The following RBFOX1 variants were observed in gnomAD, a reference collection of about 807,000 sequenced individuals.
RBFOX1 encodes RNA binding fox-1 homolog 1.
RBFOX1 carries 8 observed loss-of-function variants against 57.7 expected under a neutral mutation model. The observed-to-expected ratio is 0.14, with a 90% CI of 0.08 to 0.25. RBFOX1 has a LOEUF of 0.25. Ranked by LOEUF, RBFOX1 falls within the 10% of genes least tolerant of loss-of-function variation. The probability of loss-of-function intolerance (pLI) is 1.00; values close to 1 mark genes in which losing one functional copy is unlikely to be tolerated. For synonymous variants in RBFOX1, 326 were observed against 222.4 expected, an observed-to-expected ratio of 1.47 and a Z score of -4.15; for missense variants, 611 against 548.5, an observed-to-expected ratio of 1.11 and a Z score of -1.14.
chr16:6,820,640 C>G (rs929617436), intron 3 of RBFOX1, among the ~76,000 whole-genome samples: 13 of 151,156 alleles, frequency 8.6e-5, no homozygotes, highest in African/African-American at 1.2e-4. Context: ...GCCTGAGTGA[C>G]AGAGCAAGAC....
At chr16:7,167,381 A>T (rs2079787858) in intron 4 of RBFOX1, among the ~76,000 whole-genome samples, 2 of 151,928 alleles carry the variant, frequency 1.3e-5, no homozygotes, top group Non-Finnish European at 2.9e-5. Flanking sequence ...CTGGTGTTTC[A>T]ATAAGAGAAA....
At chr16:5,853,847 C>T (rs535512974) in intron 3 of RBFOX1, among the ~76,000 whole-genome samples, 8 of 152,286 alleles carry the variant, frequency 5.3e-5, no homozygotes, top group African/African-American at 1.9e-4. Context: ...CCTTGAACTC[C>T]TGGCCTCAAG....
chr16:6,948,375 CTT>C (rs968186299), intron 3 of RBFOX1, among the ~76,000 whole-genome samples: 6 of 67,962 alleles, frequency 8.8e-5, no homozygotes, highest in Admixed American at 1.6e-4. Context: ...TTCTCCCTTT[CTT>C]TTTTTTTTTT....
intron 2 of RBFOX1, among the ~76,000 whole-genome samples, chr16:6,650,092 G>A (rs1018760136): frequency 8.5e-5 from 13 of 152,198 alleles, no homozygotes; most frequent in African/African-American, 2.9e-4. Context: ...TGCAGTAGTC[G>A]GATTGCTGGA....
intron 11 of RBFOX1, among the ~76,000 whole-genome samples, chr16:7,643,466 C>A (rs529839700): frequency 6.6e-6 from 1 of 152,298 alleles, no homozygotes; most frequent in East Asian, 1.9e-4. Context: ...GTTTCTTATG[C>A]AGATCTTCCA....
chr16:7,708,851 A>G (rs2083349309), intron 14 of RBFOX1, among the ~76,000 whole-genome samples: 1 of 151,794 alleles, frequency 6.6e-6, no homozygotes, highest in Non-Finnish European at 1.5e-5. Flanking sequence ...TCTGTCAAAC[A>G]TAGCAATAGC....
rs547238631 is a variant in RBFOX1 at position 5,627,513 on chromosome 16, T to G, written c.318+28552T>G. Among the ~76,000 whole-genome samples, 10 of 152,170 alleles carry G rather than the reference T, an allele frequency of 6.6e-5. 1 individual carries two copies. Among genetic ancestry groups the G allele is most frequent in the Admixed American group, 6.5e-4 (10 of 15,272 alleles). Reference sequence around the variant, plus strand: ...GAGTACAAAGCAATAGATTACAAAATGAATAATTTAGGGTTTTTATATTAA... The same window carrying G: ...GAGTACAAAGCAATAGATTACAAAAGGAATAATTTAGGGTTTTTATATTAA... On this transcript the variant is annotated intron_variant, in intron 3 of 19. Transcript: ENST00000641259.
chr16:6,856,650 T>C (rs2057961435), intron 3 of RBFOX1, among the ~76,000 whole-genome samples: 1 of 152,168 alleles, frequency 6.6e-6, no homozygotes, highest in African/African-American at 2.4e-5. Flanking sequence ...TGTGCAGGAA[T>C]ATTTATATAT....
chr16:6,254,809 T>A (rs1025193786), intron 1 of RBFOX1, among the ~76,000 whole-genome samples: 1 of 152,190 alleles, frequency 6.6e-6, no homozygotes, highest in Non-Finnish European at 1.5e-5. Flanking sequence ...TTCAATTCAT[T>A]ATTTTTAGTA....
At chr16:5,908,332 ATGTGTGTG>A (rs879393323) in intron 4 of RBFOX1, among the ~76,000 whole-genome samples, 1 of 137,464 alleles carries the variant, frequency 7.3e-6, no homozygotes, top group African/African-American at 2.6e-5. Context: ...ACATATATAT[ATGTGTGTG>A]TGTGTGTGTG....
intron 1 of RBFOX1, among the ~76,000 whole-genome samples, chr16:6,164,008 AT>A: frequency 6.6e-6 from 1 of 152,268 alleles, no homozygotes; most frequent in Non-Finnish European, 1.5e-5. Context: ...ACAGAGTTAC[AT>A]TTTTGTGACG....
chr16:6,864,880 A>C (rs560401999), intron 3 of RBFOX1, among the ~76,000 whole-genome samples: 9 of 152,220 alleles, frequency 5.9e-5, no homozygotes, highest in African/African-American at 1.9e-4. Context: ...ATACTCATCA[A>C]AACAAGAGGG....
At chr16:6,836,088 C>A (rs1470916269) in intron 3 of RBFOX1, among the ~76,000 whole-genome samples, 2 of 152,186 alleles carry the variant, frequency 1.3e-5, no homozygotes. Context: ...AAAACGCCTG[C>A]TATAGAAATG....
At chr16:5,734,000 T>A (rs1161089458) in intron 3 of RBFOX1, among the ~76,000 whole-genome samples, 1 of 152,138 alleles carries the variant, frequency 6.6e-6, no homozygotes, top group Non-Finnish European at 1.5e-5. Context: ...TGTTACCTAT[T>A]AGAGCTGAAG....
At chr16:5,261,510 T>C (rs1329536803) in intron 1 of RBFOX1, among the ~76,000 whole-genome samples, 1 of 151,890 alleles carries the variant, frequency 6.6e-6, no homozygotes, top group East Asian at 1.9e-4. Flanking sequence ...TCCTTAGAAA[T>C]TATAGGCACC....
At chr16:6,010,381 T>C (rs1369125369) in intron 4 of RBFOX1, among the ~76,000 whole-genome samples, 2 of 152,178 alleles carry the variant, frequency 1.3e-5, no homozygotes, top group Non-Finnish European at 2.9e-5. Flanking sequence ...GGGAGTATGT[T>C]TTATACTAGC....
In RBFOX1 at chr16:5,591,195, C is replaced by T. The variant is rs544256578; in HGVS notation, c.259-7707C>T. On this transcript the variant is annotated intron_variant, in intron 2 of 2. Coordinates refer to the RBFOX1 transcript ENST00000585867. ...TGCCCAGTGTACAAAATTCAAGGGT[C>T]AGAAATATAAAATGAGTTTTCCTGC... is the stretch of plus-strand genomic sequence containing the variant. Among the ~76,000 whole-genome samples the T allele has an allele frequency of 2.0e-5, 3 of 151,686 alleles. No individual in the cohort carries two copies. In the South Asian group the frequency reaches 6.3e-4, roughly 32 times the overall value.
chr16:6,787,485 G>A (rs2082162466), intron 3 of RBFOX1, among the ~76,000 whole-genome samples: 1 of 152,114 alleles, frequency 6.6e-6, no homozygotes. Context: ...TCTCCCTGTG[G>A]TTAAGTTGAA....
At chr16:7,164,491 T>A (rs2079027568) in intron 4 of RBFOX1, among the ~76,000 whole-genome samples, 1 of 152,264 alleles carries the variant, frequency 6.6e-6, no homozygotes, top group Admixed American at 6.5e-5. Flanking sequence ...AGTAGTGGGA[T>A]TGCTGGCAGA....
Sources: allele counts gnomAD v4.1 joint callset (sites outside exome capture counted in the v4.1 genomes callset), GRCh38; gene constraint gnomAD v4.1.1; transcripts MANE v1.5; gene names NCBI Gene and HGNC (gene_info 2026-07-23, HGNC 2026-07-21).